The following ZNF492 variants were observed in gnomAD, a reference collection of about 807,000 sequenced individuals.
The protein encoded by ZNF492 is zinc finger protein 492.
A neutral mutation model predicts 6.4 loss-of-function variants in ZNF492; 3 were observed. The ratio of observed to expected loss-of-function variants is 0.47; its 90% CI spans 0.21 to 1.22. The LOEUF is 1.22. ZNF492 is among the 50% of genes most tolerant of loss of function. ZNF492 has a pLI of 0.22. For missense variants in ZNF492, 356 were observed against 612.5 expected, an observed-to-expected ratio of 0.58 and a Z score of 4.42; for synonymous variants, 112 against 205.3, an observed-to-expected ratio of 0.55 and a Z score of 3.89.
At chr19:22,641,535 G>A (rs1261219246) in intron 1 of ZNF492, among the ~76,000 whole-genome samples, 1 of 152,134 alleles carries the variant, frequency 6.6e-6, no homozygotes, top group Admixed American at 6.5e-5. Flanking sequence ...GTCAATTTTA[G>A]AGTATGTGCC....
chr19:22,638,261 G>A (rs1284199783), intron 1 of ZNF492, among the ~76,000 whole-genome samples: 1 of 151,908 alleles, frequency 6.6e-6, no homozygotes, highest in Admixed American at 6.6e-5. Context: ...ATTGCTTTTG[G>A]TATCTTTATT....
chr19:22,650,905 T>A (rs1971932927), intron 1 of ZNF492, among the ~76,000 whole-genome samples: 1 of 152,082 alleles, frequency 6.6e-6, no homozygotes, highest in African/African-American at 2.4e-5. Context: ...TCAAATGGCT[T>A]AAACAGCAGG....
rs1479380678 is a variant in ZNF492, at chr19:22,666,673, C to G, written c.*1408C>G. 6.6e-6 allele frequency: 1 copy of G among 152,024 alleles called. No individual in the cohort carries two copies. Among genetic ancestry groups the G allele is most frequent in the Non-Finnish European group, 1.5e-5 (1 of 68,034 alleles). The allele number at this position is 152,024 out of a possible 1,614,324, so 9.4% of individuals were successfully genotyped here. ...GATTCACTTACAGTACTGAGTGATG[C>G]ATGAGGTAGGTGTTCTGAGTAATAT... On this transcript the variant is annotated 3_prime_UTR_variant, in exon 4 of 4. Transcript: ENST00000456783.
intron 1 of ZNF492, among the ~76,000 whole-genome samples, chr19:22,638,354 C>A (rs1971788707): frequency 6.6e-6 from 1 of 152,064 alleles, no homozygotes; most frequent in Non-Finnish European, 1.5e-5. Flanking sequence ...TGAAATTTTA[C>A]ATTTAAATCT....
intron 3 of ZNF492, among the ~76,000 whole-genome samples, chr19:22,661,522 C>G (rs546860458): frequency 6.6e-6 from 1 of 152,128 alleles, no homozygotes; most frequent in East Asian, 1.9e-4. Flanking sequence ...CTGGGAGTCT[C>G]TCAAACATGT....
chr19:22,654,746 C>T (rs1214798489), intron 3 of ZNF492, among the ~76,000 whole-genome samples: 4 of 150,564 alleles, frequency 2.7e-5, no homozygotes, highest in East Asian at 4.0e-4. Flanking sequence ...GGAATACAGG[C>T]GCGAGCCACC....
At chr19:22,657,017 A>C in intron 3 of ZNF492, among the ~76,000 whole-genome samples, 1 of 152,146 alleles carries the variant, frequency 6.6e-6, no homozygotes, top group South Asian at 2.1e-4. Context: ...AAATAAGCAA[A>C]TAAGGCACCA....
intron 1 of ZNF492, among the ~76,000 whole-genome samples, chr19:22,644,476 G>C (rs1464936479): frequency 6.6e-6 from 1 of 152,116 alleles, no homozygotes; most frequent in Non-Finnish European, 1.5e-5. Flanking sequence ...AGAACATGCG[G>C]TTTTTGGTTT....
chr19:22,657,940 A>G (rs1344162543), intron 3 of ZNF492, among the ~76,000 whole-genome samples: 1 of 152,086 alleles, frequency 6.6e-6, no homozygotes, highest in Non-Finnish European at 1.5e-5. Flanking sequence ...ATGAGTAGTC[A>G]TGGAAATAGT....
chr19:22,635,936 G>A (rs1439301906), intron 1 of ZNF492, among the ~76,000 whole-genome samples: 1 of 152,032 alleles, frequency 6.6e-6, no homozygotes, highest in Non-Finnish European at 1.5e-5. Flanking sequence ...TGTGTCATGG[G>A]GGTTTGGTGT....
intron 1 of ZNF492, among the ~76,000 whole-genome samples, chr19:22,646,076 A>G (rs1181719717): frequency 1.3e-5 from 2 of 152,146 alleles, no homozygotes. Flanking sequence ...TGGTAGTTTG[A>G]TGGGAATAAC....
intron 1 of ZNF492, among the ~76,000 whole-genome samples, chr19:22,638,912 G>A (rs1422066730): frequency 2.0e-5 from 3 of 151,852 alleles, no homozygotes; most frequent in Non-Finnish European, 2.9e-5. Flanking sequence ...GTGCGATTTC[G>A]GCTCACTGCA....
chr19:22,667,561 T>TA lies in ZNF492; in HGVS notation c.*2300dup, dbSNP rs1972144721. 6.6e-6 allele frequency: 1 copy of TA among 152,074 alleles called. No individual in the cohort carries two copies. Among genetic ancestry groups the TA allele is most frequent in the African/African-American group, 2.4e-5 (1 of 41,448 alleles). 9.4% of individuals were successfully genotyped at this position (152,074 alleles called of 1,614,324 possible). A position where few individuals can be genotyped will look rare whatever the true frequency, so the allele number is the denominator to read the frequency against. Reference sequence around the variant, plus strand: ...TTCAATTGTACAGTTTTAGTTTTTTTAAAATATACGATTGTTATTGACTAC... The same window carrying TA: ...TTCAATTGTACAGTTTTAGTTTTTTTAAAAATATACGATTGTTATTGACTAC... On this transcript the variant is annotated 3_prime_UTR_variant, in exon 4 of 4. Transcript: ENST00000456783.
At chr19:22,644,398 G>T (rs1274804547) in intron 1 of ZNF492, among the ~76,000 whole-genome samples, 1 of 152,002 alleles carries the variant, frequency 6.6e-6, no homozygotes, top group Admixed American at 6.6e-5. Flanking sequence ...TCCACAACAG[G>T]CCCTGGTGTG....
chr19:22,666,479 C>G lies in ZNF492; in HGVS notation c.*1214C>G, dbSNP rs1246386963. On this transcript the variant is annotated 3_prime_UTR_variant, in exon 4 of 4. Transcript: ENST00000456783. Reference sequence around the variant, plus strand: ...ATGCTGCAATTACAGGTGTTAGCCACTGCGCCTGCCTGATGTTGTTTCTTT... The same window carrying G: ...ATGCTGCAATTACAGGTGTTAGCCAGTGCGCCTGCCTGATGTTGTTTCTTT... 2.6e-5 allele frequency: 4 copies of G among 152,198 alleles called. No individual in the cohort carries two copies. Among genetic ancestry groups the G allele is most frequent in the African/African-American group, 9.7e-5 (4 of 41,446 alleles). The allele number at this position is 152,198 out of a possible 1,614,324, so 9.4% of individuals were successfully genotyped here.
Position 22,646,216 on chromosome 19 carries a change from C to G in ZNF492, c.-93-7091C>G, listed in dbSNP as rs192320305. 2.0e-3 allele frequency among the ~76,000 whole-genome samples: 297 copies of G among 152,218 alleles called. 1 individual carries two copies. The highest frequency in any genetic ancestry group is 6.6e-3 in the African/African-American group (276 of 41,526). ...CCTCCTTGAGGAGTGGTTTGTAGTT[C>G]TCCTTGAAGAGGTCCTTCACATTCC... is the stretch of plus-strand genomic sequence containing the variant. On this transcript the variant is annotated intron_variant, in intron 1 of 3. Coordinates refer to ENST00000456783, the MANE Select transcript of ZNF492 (RefSeq NM_020855.3).
At chr19:22,658,249 C>T (rs2145258668) in intron 3 of ZNF492, among the ~76,000 whole-genome samples, 2 of 151,888 alleles carry the variant, frequency 1.3e-5, no homozygotes, top group South Asian at 4.2e-4. Context: ...ATGGAAACCT[C>T]ATCTCTGTAA....
At chr19:22,637,058 C>A (rs542472198) in intron 1 of ZNF492, among the ~76,000 whole-genome samples, 89 of 147,904 alleles carry the variant, frequency 6.0e-4, no homozygotes, top group African/African-American at 2.2e-3. Context: ...TGGGTTCAAG[C>A]AATTTTCTTG....
intron 1 of ZNF492, among the ~76,000 whole-genome samples, chr19:22,639,723 A>AAAAAG (rs1007635224): frequency 1.3e-5 from 2 of 151,338 alleles, no homozygotes; most frequent in Non-Finnish European, 1.5e-5. Flanking sequence ...AAAAAAAAAA[A>AAAAAG]AAAAGAAAAG....
Sources: gnomAD v4.1 joint callset for allele counts (sites outside exome capture counted in the v4.1 genomes callset) on GRCh38, gnomAD v4.1.1 for gene constraint, MANE v1.5 for transcripts, NCBI Gene and HGNC (gene_info 2026-07-23, HGNC 2026-07-21) for gene names.